Variants in GPI observed in about 807,000 individuals in gnomAD.
The protein encoded by GPI is glucose-6-phosphate isomerase.
A neutral mutation model predicts 75.8 loss-of-function variants in GPI; 56 were observed. The observed-to-expected ratio is 0.74, with a 90% CI of 0.60 to 0.92. The LOEUF (loss-of-function observed/expected upper bound fraction) is 0.92, where lower values mean the gene tolerates loss of function less well. GPI is among the 40% of genes least tolerant of loss of function. The pLI, the probability that GPI is intolerant of heterozygous loss-of-function variation, is 0.00. For missense variants in GPI, 638 were observed against 741.0 expected (o/e 0.86, Z 1.61); for synonymous variants, 288 against 285.4 (o/e 1.01, Z -0.09).
At chr19:34,385,274 G>A (rs2074716448) in intron 9 of GPI, among the ~76,000 whole-genome samples, 2 of 151,956 alleles carry the variant, frequency 1.3e-5, no homozygotes, top group Admixed American at 1.3e-4. Context: ...GCTTGAACCC[G>A]GGAGGTGGGG....
At chr19:34,394,866 A>C (rs2074922386) in intron 12 of GPI, among the ~76,000 whole-genome samples, 1 of 151,796 alleles carries the variant, frequency 6.6e-6, no homozygotes, top group Admixed American at 6.6e-5. Flanking sequence ...GGCATGCACC[A>C]CCTTGCCTGG....
intron 1 of GPI, chr19:34,365,886 G>A (rs945076881): frequency 4.2e-6 from 2 of 472,430 alleles, no homozygotes; most frequent in Non-Finnish European, 8.4e-6. Flanking sequence ...ACCTGTGCAC[G>A]ACCGGGAAGT....
Position 34,365,391 on chromosome 19 carries a change from G to T in GPI, c.122+3G>T. ...AAGGACCGCTTCAACCACTTCAGGTGCGGGCGGGCCGGAGGCGGGGGCTGC... is the reference window on the plus strand; with the variant it reads ...AAGGACCGCTTCAACCACTTCAGGTTCGGGCGGGCCGGAGGCGGGGGCTGC... On this transcript the variant is annotated splice_donor_region_variant and intron_variant, in intron 1 of 17. Coordinates refer to ENST00000356487, the MANE Select transcript of GPI (RefSeq NM_000175.5). 1 of 1,576,310 alleles carries T rather than the reference G, an allele frequency of 6.3e-7. No individual in the cohort carries two copies.
chr19:34,379,640 G>A (rs943795667), intron 8 of GPI, 78 bp downstream of exon 8: 25 of 1,166,766 alleles, frequency 2.1e-5, no homozygotes, highest in South Asian at 2.1e-4. Flanking sequence ...TCAGAGACGC[G>A]GTTCGTAGGT....
chr19:34,382,444 T>C (rs1407072679), intron 9 of GPI, among the ~76,000 whole-genome samples: 2 of 152,178 alleles, frequency 1.3e-5, no homozygotes, highest in African/African-American at 2.4e-5. Context: ...CTGTGTATAA[T>C]GAGTTAACTT....
intron 9 of GPI, among the ~76,000 whole-genome samples, chr19:34,388,984 T>C (rs921866976): frequency 1.3e-5 from 2 of 151,818 alleles, no homozygotes; most frequent in Admixed American, 1.3e-4. Flanking sequence ...TCCCAGCTAC[T>C]GGGGAGGCTG....
At chr19:34,382,569 C>T (rs549972089) in intron 9 of GPI, among the ~76,000 whole-genome samples, 60 of 152,220 alleles carry the variant, frequency 3.9e-4, no homozygotes, top group African/African-American at 1.3e-3. Context: ...AGAGACTGTG[C>T]GGCTTCTAAT....
At chr19:34,364,643 G>A (rs1381113865), upstream of GPI, 2 of 271,514 alleles carry the variant, frequency 7.4e-6, no homozygotes, top group Non-Finnish European at 1.4e-5. Flanking sequence ...CTCCCAAAGT[G>A]ATGAGATTAC....
chr19:34,367,306 T>C, intron 3 of GPI: 1 of 317,394 alleles, frequency 3.2e-6, no homozygotes. Flanking sequence ...GGAGGTATAA[T>C]GGACACTGAG....
rs116474663 is a variant in GPI at position 34,400,408 on chromosome 19, G to T, written c.*372G>T. 1 of 592,516 alleles carries T rather than the reference G, an allele frequency of 1.7e-6. No homozygotes were observed. The highest frequency in any genetic ancestry group is 3.0e-6 in the Non-Finnish European group (1 of 334,482). The allele number at this position is 592,516 out of a possible 1,614,324, so 36.7% of individuals were successfully genotyped here. On this transcript the variant is annotated 3_prime_UTR_variant, in exon 18 of 18. Coordinates refer to ENST00000356487, the MANE Select transcript of GPI (RefSeq NM_000175.5). ...AGAGGGCAGGAGCGCTCAGCAGGAC[G>T]CAGGCTGTGCCTCTGCGGACACTTA...
intron 9 of GPI, among the ~76,000 whole-genome samples, chr19:34,386,349 G>C (rs1214563188): frequency 6.6e-6 from 1 of 151,166 alleles, no homozygotes; most frequent in Non-Finnish European, 1.5e-5. Context: ...GGTAGGTAGA[G>C]ATAGCCTTTC....
At chr19:34,399,665 T>C (rs1048251678) in intron 16 of GPI, 34 bp downstream of exon 16, 1 of 1,613,232 alleles carries the variant, frequency 6.2e-7, no homozygotes, top group African/African-American at 1.3e-5. Context: ...TGGCTTGGGG[T>C]AGGTTGGAAT....
chr19:34,397,099 C>T (rs1307674954), intron 14 of GPI, among the ~76,000 whole-genome samples: 7 of 152,098 alleles, frequency 4.6e-5, no homozygotes, highest in Non-Finnish European at 1.0e-4. Context: ...GCATGAGCCA[C>T]CTTCCTGGGC....
At position 34,393,356 on chromosome 19, in the gene GPI, A is replaced by C. The variant is rs201014183; in HGVS notation, c.865+48A>C. On this transcript the variant is annotated intron_variant, in intron 10 of 17. Coordinates refer to ENST00000356487, the MANE Select transcript of GPI (RefSeq NM_000175.5). The surrounding 1 kb of genome is among the most constrained non-coding windows in gnomAD (Gnocchi z 4.4). ...CAGCCCCTGTGGGAGACAGTGTTGC[A>C]GTCTAAGGTCGGGGTAGGGGGCTTG... 1 of 1,461,494 alleles carries C rather than the reference A, an allele frequency of 6.8e-7. No homozygotes were observed. The highest frequency in any genetic ancestry group is 1.4e-5 in the African/African-American group (1 of 72,094). 90.5% of individuals were successfully genotyped at this position (1,461,494 alleles called of 1,614,324 possible).
At chr19:34,363,059 C>G (rs1398493786), upstream of GPI, among the ~76,000 whole-genome samples, 1 of 152,130 alleles carries the variant, frequency 6.6e-6, no homozygotes, top group Non-Finnish European at 1.5e-5. Flanking sequence ...CCAAGGCAGG[C>G]AGATCACTTG....
At chr19:34,387,052 A>G (rs1054086606) in intron 9 of GPI, among the ~76,000 whole-genome samples, 3 of 152,184 alleles carry the variant, frequency 2.0e-5, no homozygotes, top group Non-Finnish European at 2.9e-5. Context: ...TCACATAAAT[A>G]AAGCTGGACC....
At chr19:34,364,792 G>A (rs1599796525), upstream of GPI, 3 of 468,900 alleles carry the variant, frequency 6.4e-6, no homozygotes, top group East Asian at 1.0e-4. Flanking sequence ...TGCTTATTTG[G>A]CACATATGTA....
intron 4 of GPI, among the ~76,000 whole-genome samples, chr19:34,372,262 A>C (rs986439641): frequency 1.4e-4 from 21 of 152,052 alleles, no homozygotes; most frequent in African/African-American, 4.6e-4. Flanking sequence ...CTTTTGTCAC[A>C]CGCCTGTGAG....
Position 34,400,242 on chromosome 19 carries a change from G to T in GPI, c.*206G>T, listed in dbSNP as rs777274824. The T allele has an allele frequency of 3.2e-6, 2 of 632,232 alleles. No homozygotes were observed. Among genetic ancestry groups the T allele is most frequent in the Non-Finnish European group, 5.6e-6 (2 of 354,222 alleles). The allele number at this position is 632,232 out of a possible 1,614,324, so 39.2% of individuals were successfully genotyped here. On this transcript the variant is annotated 3_prime_UTR_variant, in exon 18 of 18. Transcript: ENST00000356487. The stretch of plus-strand genomic sequence containing the variant: ...CTATGCTCCCTCTGTGTTAGAATTG[G>T]CTGAAGTGTTTTTGTGCAGCTGACT...
Sources: gnomAD v4.1 joint callset for allele counts (sites outside exome capture counted in the v4.1 genomes callset) on GRCh38, gnomAD v4.1.1 for gene constraint, Gnocchi (gnomAD v3.1) non-coding constraint, MANE v1.5 for transcripts, NCBI Gene and HGNC (gene_info 2026-07-23, HGNC 2026-07-21) for gene names.